Variants in DLGAP2 observed in about 807,000 individuals in gnomAD.
DLGAP2 encodes the protein DLG associated protein 2, also known as disks large-associated protein 2.
A neutral mutation model predicts 100.3 loss-of-function variants in DLGAP2; 26 were observed. The observed-to-expected ratio is 0.26, with a 90% CI of 0.19 to 0.36. The LOEUF is 0.36. Ranked by LOEUF, DLGAP2 falls within the 10% of genes least tolerant of loss-of-function variation. DLGAP2 has a pLI of 1.00. For synonymous variants in DLGAP2, 886 were observed against 630.1 expected (o/e 1.41, Z -6.08); for missense variants, 1,858 against 1,453.2 (o/e 1.28, Z -4.53).
chr8:827,006 C>T (rs775554004), intron 1 of DLGAP2, among the ~76,000 whole-genome samples: 1 of 152,116 alleles, frequency 6.6e-6, no homozygotes, highest in Non-Finnish European at 1.5e-5. Flanking sequence ...TGCTGTTTCC[C>T]CTTATGGCAG....
intron 8 of DLGAP2, among the ~76,000 whole-genome samples, chr8:1,649,006 G>C (rs1798104630): frequency 6.6e-6 from 1 of 152,154 alleles, no homozygotes; most frequent in Admixed American, 6.6e-5. Context: ...TCCTTGGATG[G>C]CGTCTGAACA....
intron 2 of DLGAP2, among the ~76,000 whole-genome samples, chr8:1,252,802 A>AT (rs1799077280): frequency 6.6e-6 from 1 of 152,184 alleles, no homozygotes; most frequent in African/African-American, 2.4e-5. Context: ...GCTGACATGG[A>AT]GCCTTTCCTG....
At chr8:765,276 A>C (rs1253429955) in intron 1 of DLGAP2, among the ~76,000 whole-genome samples, 1 of 152,246 alleles carries the variant, frequency 6.6e-6, no homozygotes, top group Admixed American at 6.5e-5. Context: ...TCTAGGGGTA[A>C]AATGATCTGA....
chr8:1,261,022 G>A (rs924407135), intron 3 of DLGAP2, among the ~76,000 whole-genome samples: 1 of 152,248 alleles, frequency 6.6e-6, no homozygotes, highest in Non-Finnish European at 1.5e-5. Flanking sequence ...GTGGCGTGAG[G>A]AGGGGAGGAA....
chr8:824,155 G>T (rs1422348484), intron 1 of DLGAP2, among the ~76,000 whole-genome samples: 6 of 151,772 alleles, frequency 4.0e-5, no homozygotes, highest in African/African-American at 1.5e-4. Flanking sequence ...GCTCACTGCA[G>T]CCTCAACCTC....
At chr8:1,356,771 G>A (rs1276071221) in intron 3 of DLGAP2, among the ~76,000 whole-genome samples, 1 of 152,210 alleles carries the variant, frequency 6.6e-6, no homozygotes, top group Non-Finnish European at 1.5e-5. Flanking sequence ...GTGGGATATG[G>A]TGAAACCATG....
intron 3 of DLGAP2, among the ~76,000 whole-genome samples, chr8:1,454,584 G>A (rs750581702): frequency 1.3e-5 from 2 of 152,180 alleles, no homozygotes; most frequent in Non-Finnish European, 2.9e-5. Context: ...TGCAAGGAAA[G>A]CCAAGATTCA....
intron 3 of DLGAP2, chr8:1,373,730 C>G (rs1375159637): frequency 6.6e-6 from 1 of 152,212 alleles, no homozygotes; most frequent in Non-Finnish European, 1.5e-5. Flanking sequence ...TGTGGCCTCT[C>G]CAGCTCAGGG....
chr8:1,696,646 G>A (rs1247268794), intron 13 of DLGAP2, among the ~76,000 whole-genome samples: 3 of 152,224 alleles, frequency 2.0e-5, no homozygotes, highest in Non-Finnish European at 4.4e-5. Context: ...GGCGCCGGTT[G>A]GTGAGAGCAT....
Position 1,316,798 on chromosome 8 carries a change from G to C in DLGAP2, c.106+57915G>C, listed in dbSNP as rs183241574. On this transcript the variant is annotated intron_variant, in intron 3 of 14. Coordinates refer to ENST00000637795, the MANE Select transcript of DLGAP2 (RefSeq NM_001346810.2). ...GTCTCTCCCACAGTGGTCTACACTC[G>C]AGAAACTCGGTAGCGTTTAAAAATA... 3.1e-3 allele frequency among the ~76,000 whole-genome samples: 447 copies of C among 145,030 alleles called. 35 individuals are homozygous for C. Among genetic ancestry groups the C allele is most frequent in the African/African-American group, 0.011 (412 of 37,600 alleles).
intron 1 of DLGAP2, among the ~76,000 whole-genome samples, chr8:843,619 C>G (rs1797021843): frequency 6.6e-6 from 1 of 152,222 alleles, no homozygotes; most frequent in Admixed American, 6.5e-5. Context: ...TTTGCACTCC[C>G]TGGGCTGTCT....
chr8:1,178,113 A>G (rs7821711), intron 2 of DLGAP2, among the ~76,000 whole-genome samples: 34,376 of 152,112 alleles, frequency 0.23, 4,063 homozygotes, highest in Middle Eastern at 0.36. Flanking sequence ...TCATTACCCC[A>G]GAATCCAAGG....
At chr8:1,278,105 C>T (rs896357533) in intron 3 of DLGAP2, among the ~76,000 whole-genome samples, 1 of 152,158 alleles carries the variant, frequency 6.6e-6, no homozygotes, top group African/African-American at 2.4e-5. Context: ...TCAGATGATA[C>T]CTCACGCCAG....
At chr8:1,355,601 G>T (rs1235096730) in intron 3 of DLGAP2, among the ~76,000 whole-genome samples, 1 of 152,148 alleles carries the variant, frequency 6.6e-6, no homozygotes, top group Non-Finnish European at 1.5e-5. Context: ...CTGACCTCAT[G>T]ATCCACCTGT....
intron 2 of DLGAP2, among the ~76,000 whole-genome samples, chr8:1,081,806 A>G (rs540176731): frequency 6.6e-6 from 1 of 152,276 alleles, no homozygotes; most frequent in Non-Finnish European, 1.5e-5. Context: ...CATGTTCTGA[A>G]CTTAATTTCA....
intron 8 of DLGAP2, among the ~76,000 whole-genome samples, chr8:1,646,463 G>A (rs1563278272): frequency 6.6e-6 from 1 of 152,050 alleles, no homozygotes; most frequent in Non-Finnish European, 1.5e-5. Context: ...TCCCACCCAT[G>A]TTCCATTAAT....
intron 3 of DLGAP2, among the ~76,000 whole-genome samples, chr8:1,314,933 C>T (rs992281143): frequency 2.0e-5 from 3 of 152,226 alleles, no homozygotes; most frequent in Non-Finnish European, 2.9e-5. Context: ...TGTGCCCTAC[C>T]GGGGAAGGCG....
chr8:1,219,376 A>G (rs902923772), intron 2 of DLGAP2, among the ~76,000 whole-genome samples: 1 of 152,188 alleles, frequency 6.6e-6, no homozygotes, highest in Non-Finnish European at 1.5e-5. Context: ...TAAGATGATC[A>G]TGTAGTTTTT....
intron 3 of DLGAP2, among the ~76,000 whole-genome samples, chr8:1,336,518 G>C (rs1473981945): frequency 1.3e-5 from 2 of 152,176 alleles, no homozygotes; most frequent in African/African-American, 4.8e-5. Context: ...ACGCAACTCT[G>C]TGCCGGAAGC....
Sources: gnomAD v4.1 joint callset for allele counts (sites outside exome capture counted in the v4.1 genomes callset) on GRCh38, gnomAD v4.1.1 for gene constraint, MANE v1.5 for transcripts, NCBI Gene and HGNC (gene_info 2026-07-23, HGNC 2026-07-21) for gene names.